IQSEC2: variants seen among roughly 807,000 people sequenced by gnomAD.
The protein encoded by IQSEC2 is IQ motif and Sec7 domain ArfGEF 2.
In IQSEC2, 6 loss-of-function variants were observed where a neutral mutation model predicts 74.6. That is an observed-to-expected ratio of 0.08 (90% CI 0.04 to 0.16). The LOEUF is 0.16. Among genes scored for constraint, IQSEC2 ranks in the 10% least tolerant of loss-of-function variants. IQSEC2 has a pLI of 1.00. For synonymous variants in IQSEC2, 494 were observed against 544.5 expected, an observed-to-expected ratio of 0.91 and a Z score of 1.29; for missense variants, 734 against 1,306.2, an observed-to-expected ratio of 0.56 and a Z score of 6.75.
At chrX:53,283,176 G>T (rs1328995777) in intron 2 of IQSEC2, among the ~76,000 whole-genome samples, 1 of 112,235 alleles carries the variant, frequency 8.9e-6, no homozygotes, top group East Asian at 2.8e-4. Flanking sequence ...AGATCATGCC[G>T]CTGCACTCCA....
chrX:53,238,843 G>A (rs1350816154), intron 11 of IQSEC2, among the ~76,000 whole-genome samples: 1 of 110,006 alleles, frequency 9.1e-6, no homozygotes, highest in Non-Finnish European at 1.9e-5. Context: ...CTGCTCTCTC[G>A]AAACCCTTTC....
chrX:53,308,691 G>A lies in IQSEC2; in HGVS notation c.707+11726C>T, dbSNP rs782699191. 1.2e-4 allele frequency among the ~76,000 whole-genome samples: 13 copies of A among 111,384 alleles called. No individual in the cohort carries two copies. In the South Asian group the frequency reaches 3.4e-3, roughly 29 times the overall value. ...CTAATAACTATGTCTTACAAAGTAC[G>A]TGGTCAAGAGATGCTGTGGAAAACT... On this transcript the variant is annotated intron_variant, in intron 1 of 14. Transcript: ENST00000642864.
chrX:53,317,882 G>A (rs1569340376), intron 1 of IQSEC2, among the ~76,000 whole-genome samples: 1 of 112,121 alleles, frequency 8.9e-6, no homozygotes, highest in Non-Finnish European at 1.9e-5. Context: ...CTGATGCCAG[G>A]CCAGGAGGGA....
chrX:53,302,367 A>G (rs1164956272), intron 1 of IQSEC2, among the ~76,000 whole-genome samples: 2 of 112,450 alleles, frequency 1.8e-5, no homozygotes, highest in Non-Finnish European at 3.8e-5. Flanking sequence ...GGTTTTGTCT[A>G]TTTTGCTCAC....
chrX:53,274,554 C>T (rs1253990807), intron 2 of IQSEC2, among the ~76,000 whole-genome samples: 10 of 102,461 alleles, frequency 9.8e-5, no homozygotes, highest in African/African-American at 3.6e-4. Flanking sequence ...TTCCGCCTCC[C>T]GGGTTCACGC....
intron 1 of IQSEC2, among the ~76,000 whole-genome samples, chrX:53,302,134 T>C (rs782676821): frequency 8.9e-6 from 1 of 112,277 alleles, no homozygotes; most frequent in Non-Finnish European, 1.9e-5. Context: ...TGTGATAACA[T>C]TGGAAAATGC....
intron 11 of IQSEC2, among the ~76,000 whole-genome samples, 155 bp downstream of exon 11, chrX:53,239,040 C>T (rs1407740525): frequency 1.8e-5 from 2 of 111,148 alleles, no homozygotes; most frequent in African/African-American, 6.5e-5. Flanking sequence ...CATACTCCAC[C>T]CTGGCCTGCC....
At chrX:53,256,738 G>A (rs1162331327) in intron 2 of IQSEC2, among the ~76,000 whole-genome samples, 1 of 112,814 alleles carries the variant, frequency 8.9e-6, no homozygotes, top group African/African-American at 3.2e-5. Context: ...GGCAGGGCGA[G>A]CAGCAACAGT....
At chrX:53,261,901 C>T (rs2074574985) in intron 2 of IQSEC2, among the ~76,000 whole-genome samples, 1 of 112,032 alleles carries the variant, frequency 8.9e-6, no homozygotes, top group South Asian at 3.7e-4. Context: ...GCACTTACTG[C>T]GCACCTTCCC....
chrX:53,295,906 C>T (rs1224872287), intron 1 of IQSEC2, among the ~76,000 whole-genome samples: 1 of 111,414 alleles, frequency 9.0e-6, no homozygotes, highest in African/African-American at 3.3e-5. Flanking sequence ...TAAATAAATA[C>T]AAAATGCATC....
intron 9 of IQSEC2, among the ~76,000 whole-genome samples, chrX:53,243,102 G>A (rs1217668319): frequency 8.9e-6 from 1 of 112,160 alleles, no homozygotes; most frequent in Non-Finnish European, 1.9e-5. Flanking sequence ...AGGATGGACA[G>A]GCAAAGCCGG....
chrX:53,281,664 A>AAGTTTCCAGTTGCAAT, intron 2 of IQSEC2: 1 of 722,188 alleles, frequency 1.4e-6, no homozygotes. Flanking sequence ...CCAGATTGCA[A>AAGTTTCCAGTTGCAAT]CTGGAAACTT....
At chrX:53,258,883 C>T (rs954674197) in intron 2 of IQSEC2, among the ~76,000 whole-genome samples, 1 of 106,888 alleles carries the variant, frequency 9.4e-6, no homozygotes, top group East Asian at 3.0e-4. Flanking sequence ...CCCACCACCA[C>T]CACCACCACC....
At chrX:53,278,927 C>G (rs1416599992) in intron 2 of IQSEC2, among the ~76,000 whole-genome samples, 2 of 112,152 alleles carry the variant, frequency 1.8e-5, no homozygotes, top group Non-Finnish European at 1.9e-5. Context: ...CCTGTAATCC[C>G]AACACTTTGG....
rs782164403 is a variant in IQSEC2 at position 53,254,523 on chromosome X, T to C, written c.1401+7A>G. 14 of 1,193,856 alleles carry C rather than the reference T, an allele frequency of 1.2e-5. No homozygotes were observed. In the Admixed American group the frequency reaches 1.4e-4, roughly 12 times the overall value. On this transcript the variant is annotated splice_region_variant and intron_variant, in intron 4 of 14. Coordinates refer to ENST00000642864, the MANE Select transcript of IQSEC2 (RefSeq NM_001111125.3). ...GGGGAAGAAAGGTCCTTTTCAGGGA[T>C]CCTGACCTGTTTGGAGAAGGAGTCC...
At chrX:53,319,284 A>G (rs1556879713) in intron 1 of IQSEC2, among the ~76,000 whole-genome samples, 1 of 112,476 alleles carries the variant, frequency 8.9e-6, no homozygotes, top group African/African-American at 3.2e-5. Context: ...ACAGGACTTC[A>G]GACTTGCTCT....
chrX:53,312,066 T>TA (rs1268009588), intron 1 of IQSEC2, among the ~76,000 whole-genome samples: 31 of 111,241 alleles, frequency 2.8e-4, no homozygotes, highest in Non-Finnish European at 5.3e-4. Context: ...ACTGAACTCA[T>TA]AAAAAAACAA....
rs150178370 is a variant in IQSEC2 at position 53,254,494 on chromosome X, G to A, written c.1401+36C>T. The A allele has an allele frequency of 0.014, 16,910 of 1,174,319 alleles. 102 individuals are homozygous for A. The highest frequency in any genetic ancestry group is 0.023 in the South Asian group (1,215 of 51,719). ...AGTAGCAGGAGTAGCCAGAACACGG[G>A]GATGGGGAAGAAAGGTCCTTTTCAG... On this transcript the variant is annotated intron_variant, in intron 4 of 14. Coordinates refer to ENST00000642864, the MANE Select transcript of IQSEC2 (RefSeq NM_001111125.3).
chrX:53,225,843 G>C (rs1426028682), downstream of IQSEC2: 1 of 112,375 alleles, frequency 8.9e-6, no homozygotes, highest in East Asian at 2.8e-4. Flanking sequence ...TTCATCCAAG[G>C]TTACAGGTAG....
Sources: gnomAD v4.1 joint callset for allele counts (sites outside exome capture counted in the v4.1 genomes callset) on GRCh38, gnomAD v4.1.1 for gene constraint, MANE v1.5 for transcripts, NCBI Gene and HGNC (gene_info 2026-07-23, HGNC 2026-07-21) for gene names.